LIN28B: variants seen among roughly 807,000 people sequenced by gnomAD.
LIN28B encodes the protein lin-28 RNA binding posttranscriptional regulator B, also known as protein lin-28 homolog B.
In LIN28B, 5 loss-of-function variants were observed where a neutral mutation model predicts 21.9. That is an observed-to-expected ratio of 0.23 (90% confidence interval 0.12 to 0.48). The LOEUF is 0.48. Ranked by LOEUF, LIN28B falls within the 20% of genes least tolerant of loss-of-function variation. The probability of loss-of-function intolerance (pLI) is 0.98; values close to 1 mark genes in which losing one functional copy is unlikely to be tolerated. For missense variants in LIN28B, 245 were observed against 310.5 expected, an observed-to-expected ratio of 0.79 and a Z score of 1.58; for synonymous variants, 109 against 111.3, an observed-to-expected ratio of 0.98 and a Z score of 0.13.
At chr6:105,051,862 T>C (rs1455540121) in intron 3 of LIN28B, among the ~76,000 whole-genome samples, 3 of 152,220 alleles carry the variant, frequency 2.0e-5, no homozygotes, top group African/African-American at 7.2e-5. Flanking sequence ...GCACAGATTT[T>C]AGAATGTGAG....
At chr6:104,949,412 A>G (rs1374187413) in intron 2 of LIN28B, among the ~76,000 whole-genome samples, 1 of 152,162 alleles carries the variant, frequency 6.6e-6, no homozygotes, top group Non-Finnish European at 1.5e-5. Context: ...TTCTTCCTCT[A>G]TTCTTTTCAA....
chr6:105,029,032 G>C (rs1053379729), intron 3 of LIN28B, among the ~76,000 whole-genome samples: 1 of 152,168 alleles, frequency 6.6e-6, no homozygotes, highest in Non-Finnish European at 1.5e-5. Flanking sequence ...AAATGATCAA[G>C]TAAGATAACC....
At chr6:105,043,441 C>A (rs1466163630) in intron 3 of LIN28B, among the ~76,000 whole-genome samples, 1 of 150,900 alleles carries the variant, frequency 6.6e-6, no homozygotes, top group African/African-American at 2.4e-5. Context: ...AGTATGAAGC[C>A]TACCCTGGGA....
chr6:104,940,501 C>A (rs1004422645), intron 2 of LIN28B: 1 of 152,850 alleles, frequency 6.5e-6, no homozygotes, highest in Non-Finnish European at 1.5e-5. Context: ...TTCGGGGGCG[C>A]CCGCGGTAAA....
chr6:105,075,504 T>TTA (rs1377300385), intron 3 of LIN28B, among the ~76,000 whole-genome samples: 1 of 152,190 alleles, frequency 6.6e-6, no homozygotes, highest in Non-Finnish European at 1.5e-5. Context: ...CTCCTCCCCC[T>TTA]TTTAAGGCTA....
At chr6:105,053,949 G>T (rs1257112846) in intron 3 of LIN28B, among the ~76,000 whole-genome samples, 1 of 152,086 alleles carries the variant, frequency 6.6e-6, no homozygotes, top group Non-Finnish European at 1.5e-5. Flanking sequence ...TCACCGTGTT[G>T]GCCACACTGG....
intron 2 of LIN28B, among the ~76,000 whole-genome samples, chr6:104,983,000 G>T (rs887195667): frequency 2.0e-5 from 3 of 152,024 alleles, no homozygotes; most frequent in Non-Finnish European, 4.4e-5. Context: ...TAGAGACAGG[G>T]TCTTATTCTG....
At chr6:104,995,312 G>A (rs1014327539) in intron 2 of LIN28B, among the ~76,000 whole-genome samples, 1 of 152,092 alleles carries the variant, frequency 6.6e-6, no homozygotes, top group Non-Finnish European at 1.5e-5. Context: ...GGTTGTAGAG[G>A]GTGAGAGAGG....
chr6:105,039,787 T>C (rs1771596098), intron 3 of LIN28B, among the ~76,000 whole-genome samples: 1 of 152,010 alleles, frequency 6.6e-6, no homozygotes. Context: ...TTTGAATGAA[T>C]TTTTTTTCTT....
intron 2 of LIN28B, among the ~76,000 whole-genome samples, chr6:104,991,776 C>T (rs749199984): frequency 1.8e-4 from 27 of 152,302 alleles, no homozygotes; most frequent in Non-Finnish European, 3.2e-4. Flanking sequence ...CCCAGGAGGC[C>T]GAGGCTGGCA....
At chr6:105,010,490 A>G (rs1247004728) in intron 2 of LIN28B, among the ~76,000 whole-genome samples, 1 of 152,154 alleles carries the variant, frequency 6.6e-6, no homozygotes, top group Admixed American at 6.5e-5. Flanking sequence ...ATTTTTTCTA[A>G]TATTTTTAAA....
At chr6:104,963,201 C>G (rs945092189) in intron 2 of LIN28B, among the ~76,000 whole-genome samples, 3 of 152,126 alleles carry the variant, frequency 2.0e-5, no homozygotes, top group Non-Finnish European at 4.4e-5. Flanking sequence ...CGCCCGCCAC[C>G]ACGCCCGGCT....
chr6:104,952,217 C>T (rs938461746), upstream of LIN28B, among the ~76,000 whole-genome samples: 1 of 152,202 alleles, frequency 6.6e-6, no homozygotes, highest in African/African-American at 2.4e-5. Context: ...GTTTGCTCCA[C>T]AGACTCATGG....
intron 3 of LIN28B, among the ~76,000 whole-genome samples, chr6:105,051,770 G>C (rs1014594474): frequency 2.0e-4 from 31 of 152,182 alleles, no homozygotes; most frequent in Middle Eastern, 3.4e-3. Flanking sequence ...TTTTTGTTGA[G>C]TACCTGCCAT....
intron 3 of LIN28B, among the ~76,000 whole-genome samples, chr6:105,071,191 A>G (rs1287669886): frequency 6.6e-6 from 1 of 152,108 alleles, no homozygotes; most frequent in East Asian, 1.9e-4. Flanking sequence ...TTTTACATGC[A>G]TTTGAAAATG....
upstream of LIN28B, among the ~76,000 whole-genome samples, chr6:104,954,122 A>C (rs1778255372): frequency 6.6e-6 from 1 of 152,198 alleles, no homozygotes; most frequent in Non-Finnish European, 1.5e-5. Context: ...TTTTGAAAGA[A>C]CTATAAGTCA....
chr6:104,972,303 A>G (rs906216490), intron 2 of LIN28B, among the ~76,000 whole-genome samples: 2 of 152,140 alleles, frequency 1.3e-5, no homozygotes, highest in Admixed American at 6.5e-5. Flanking sequence ...AAGATAAACA[A>G]AAGCCTGTTT....
intron 3 of LIN28B, among the ~76,000 whole-genome samples, chr6:105,046,691 T>A (rs921320862): frequency 2.0e-5 from 3 of 152,146 alleles, no homozygotes; most frequent in Non-Finnish European, 4.4e-5. Flanking sequence ...GTTTCCTGAC[T>A]TTTTAATGAT....
At chr6:104,957,517 T>G (rs1778308113) in intron 1 of LIN28B, among the ~76,000 whole-genome samples, 1 of 152,080 alleles carries the variant, frequency 6.6e-6, no homozygotes. Context: ...TGTGTGAGTG[T>G]GATTAAGCGC....
Sources: gnomAD v4.1 joint callset for allele counts (sites outside exome capture counted in the v4.1 genomes callset) on GRCh38, gnomAD v4.1.1 for gene constraint, MANE v1.5 for transcripts, NCBI Gene and HGNC (gene_info 2026-07-23, HGNC 2026-07-21) for gene names.